The following ZCCHC17 variants were observed in gnomAD, a reference collection of about 807,000 sequenced individuals.
ZCCHC17 encodes the protein zinc finger CCHC-type containing 17.
In ZCCHC17, 18 loss-of-function variants were observed where a neutral mutation model predicts 30.6. That is an observed-to-expected ratio of 0.59 (90% CI 0.41 to 0.87). The LOEUF (loss-of-function observed/expected upper bound fraction) is 0.87. ZCCHC17 is among the 40% of genes least tolerant of loss of function. The pLI is 0.00. For synonymous variants in ZCCHC17, 88 were observed against 92.4 expected, an observed-to-expected ratio of 0.95 and a Z score of 0.27; for missense variants, 263 against 284.2, an observed-to-expected ratio of 0.93 and a Z score of 0.54.
chr1:31,345,025 T>G (rs1245737564), intron 5 of ZCCHC17, among the ~76,000 whole-genome samples: 1 of 114,764 alleles, frequency 8.7e-6, no homozygotes, highest in African/African-American at 5.8e-5. Context: ...TGCCTGGCTA[T>G]TTTTTTTTTT....
chr1:31,340,689 C>G (rs1203710433), intron 5 of ZCCHC17, among the ~76,000 whole-genome samples: 1 of 152,132 alleles, frequency 6.6e-6, no homozygotes, highest in East Asian at 1.9e-4. Context: ...CTCAGGTTAA[C>G]CATGCTGTTA....
At chr1:31,323,132 C>T (rs1646899214) in intron 3 of ZCCHC17, among the ~76,000 whole-genome samples, 2 of 152,180 alleles carry the variant, frequency 1.3e-5, no homozygotes, top group South Asian at 4.1e-4. Flanking sequence ...TAACAAAAGA[C>T]ACTTCTATCA....
chr1:31,347,568 C>T (rs949792536), intron 6 of ZCCHC17, among the ~76,000 whole-genome samples: 2 of 152,156 alleles, frequency 1.3e-5, no homozygotes, highest in Non-Finnish European at 2.9e-5. Context: ...GCTATATTTC[C>T]CTGCCAGGTG....
At chr1:31,316,889 T>G (rs1646746558) in intron 2 of ZCCHC17, among the ~76,000 whole-genome samples, 1 of 152,160 alleles carries the variant, frequency 6.6e-6, no homozygotes, top group Non-Finnish European at 1.5e-5. Context: ...ATCCGATGTC[T>G]CCATTAAAAA....
intron 5 of ZCCHC17, among the ~76,000 whole-genome samples, chr1:31,346,047 G>A (rs973295712): frequency 1.3e-5 from 2 of 152,118 alleles, no homozygotes; most frequent in African/African-American, 4.8e-5. Context: ...TCTGTCTGAG[G>A]GGCTCAGAGG....
intron 3 of ZCCHC17, among the ~76,000 whole-genome samples, chr1:31,326,982 T>G (rs1026064428): frequency 2.6e-5 from 4 of 152,210 alleles, no homozygotes; most frequent in African/African-American, 9.7e-5. Flanking sequence ...TAATTTGAGC[T>G]GGTTTCCCAG....
intron 3 of ZCCHC17, among the ~76,000 whole-genome samples, chr1:31,333,907 G>T (rs1197267501): frequency 6.6e-6 from 1 of 152,162 alleles, no homozygotes; most frequent in African/African-American, 2.4e-5. Context: ...AGCAATAGAG[G>T]AAAGAGATGA....
intron 3 of ZCCHC17, among the ~76,000 whole-genome samples, chr1:31,329,437 G>A (rs1638491920): frequency 6.6e-6 from 1 of 152,048 alleles, no homozygotes; most frequent in African/African-American, 2.4e-5. Flanking sequence ...TACTTTCAGA[G>A]TTTCTTGCTT....
chr1:31,304,964 A>G (rs976556622), intron 1 of ZCCHC17, among the ~76,000 whole-genome samples: 1 of 152,190 alleles, frequency 6.6e-6, no homozygotes, highest in Non-Finnish European at 1.5e-5. Flanking sequence ...TTTAATATGT[A>G]AACTGGATCA....
chr1:31,311,077 T>G (rs1023637753), intron 2 of ZCCHC17, among the ~76,000 whole-genome samples: 19 of 152,218 alleles, frequency 1.2e-4, no homozygotes, highest in Non-Finnish European at 1.5e-5. Flanking sequence ...TTTTTGTTTT[T>G]GTTTTTGTTT....
chr1:31,345,107 G>C (rs1639193931), intron 5 of ZCCHC17, among the ~76,000 whole-genome samples: 1 of 150,754 alleles, frequency 6.6e-6, no homozygotes, highest in African/African-American at 2.4e-5. Context: ...CAGGTAACTA[G>C]AAGGGAGCAT....
In ZCCHC17 at chr1:31,364,105, G is replaced by T; in HGVS notation, c.638G>T (p.Gly213Val). The change falls in exon 8 of 8, where the codon GGC becomes GTC. Residue 213 changes from glycine (G) to valine (V), a missense_variant. Coordinates refer to ENST00000344147, the MANE Select transcript of ZCCHC17 (RefSeq NM_016505.4). ...SDSSDSESDT[G>V]KRARHTSKDS... ...AGCTCAGACTCTGAGAGTGATACAG[G>T]CAAGAGGGCAAGGCACACATCAAAA... The T allele has an allele frequency of 3.1e-6, 5 of 1,613,836 alleles. No homozygotes were observed. Among genetic ancestry groups the T allele is most frequent in the Non-Finnish European group, 4.2e-6 (5 of 1,179,856 alleles).
At chr1:31,349,729 T>A (rs1639402312) in intron 7 of ZCCHC17, among the ~76,000 whole-genome samples, 1 of 152,264 alleles carries the variant, frequency 6.6e-6, no homozygotes, top group African/African-American at 2.4e-5. Flanking sequence ...ATACCTTTTT[T>A]TCATTTCACT....
intron 2 of ZCCHC17, 95 bp from the exon 3 acceptor site, chr1:31,319,014 C>A: frequency 1.4e-6 from 2 of 1,387,166 alleles, no homozygotes; most frequent in Admixed American, 2.0e-5. Flanking sequence ...CAGAGGCAGT[C>A]AATATGAAGT....
chr1:31,336,510 A>G (rs1638823453), intron 3 of ZCCHC17, among the ~76,000 whole-genome samples: 1 of 151,990 alleles, frequency 6.6e-6, no homozygotes, highest in Non-Finnish European at 1.5e-5. Context: ...TTTGTTTTTT[A>G]TTTTTAAAAT....
chr1:31,321,094 A>G (rs1041766316), intron 3 of ZCCHC17, among the ~76,000 whole-genome samples: 6 of 152,112 alleles, frequency 3.9e-5, no homozygotes, highest in African/African-American at 1.4e-4. Context: ...TGTCTATTCA[A>G]ATCTGATATA....
chr1:31,350,791 AG>A (rs1639441684), intron 7 of ZCCHC17, among the ~76,000 whole-genome samples: 1 of 152,158 alleles, frequency 6.6e-6, no homozygotes, highest in East Asian at 1.9e-4. Context: ...TAGTAGAGAC[AG>A]GGTTTCACCA....
At chr1:31,355,528 CG>C (rs1214105308) in intron 7 of ZCCHC17, among the ~76,000 whole-genome samples, 1 of 152,044 alleles carries the variant, frequency 6.6e-6, no homozygotes, top group Non-Finnish European at 1.5e-5. Flanking sequence ...CGTAACTCAC[CG>C]GAAGTCACAC....
intron 1 of ZCCHC17, among the ~76,000 whole-genome samples, chr1:31,309,558 C>T (rs1034122184): frequency 5.9e-5 from 9 of 152,062 alleles, no homozygotes; most frequent in Admixed American, 2.0e-4. Flanking sequence ...TGAGATCGTC[C>T]GACCTCAGCA....
Sources: gnomAD v4.1 joint callset for allele counts (sites outside exome capture counted in the v4.1 genomes callset) on GRCh38, gnomAD v4.1.1 for gene constraint, MANE v1.5 for transcripts, NCBI Gene and HGNC (gene_info 2026-07-23, HGNC 2026-07-21) for gene names.